TP53BP1: variants seen among roughly 807,000 people sequenced by gnomAD.
TP53BP1 encodes tumor protein p53 binding protein 1, also known as TP53-binding protein 1.
A neutral mutation model predicts 200.8 loss-of-function variants in TP53BP1; 61 were observed. The observed-to-expected ratio is 0.30, with a 90% CI of 0.25 to 0.38. The LOEUF is 0.38. TP53BP1 is among the 10% of genes least tolerant of loss of function. TP53BP1 has a pLI of 1.00. For missense variants in TP53BP1, 2,144 were observed against 2,371.9 expected (o/e 0.90, Z 2.00); for synonymous variants, 822 against 844.3 (o/e 0.97, Z 0.46).
rs2045249081 is a variant in TP53BP1, at chr15:43,415,689, G to A, written c.4994C>T (p.Ser1665Phe). 5 of 1,614,212 alleles carry A rather than the reference G, an allele frequency of 3.1e-6. No individual in the cohort carries two copies. The highest frequency in any genetic ancestry group is 1.3e-5 in the African/African-American group (1 of 75,056). ...TRKITESPRA[S>F]MGVLSGKRKL... ...TCTTTTGCCTGAGAGAACTCCCATG[G>A]AGGCACGAGGACTTTCTGTGATCTT... Residue 1665 changes from serine to phenylalanine, a missense_variant, in exon 23 of 28, where the codon TCC becomes TTC. Ser to Phe is a radical substitution (Grantham distance 155). Around this residue, in one of 4 missense-constraint regions of TP53BP1, gnomAD observed 334 missense variants for 453.4 expected, o/e 0.74. Coordinates refer to ENST00000382044, the MANE Select transcript of TP53BP1 (RefSeq NM_001141980.3).
intron 18 of TP53BP1, among the ~76,000 whole-genome samples, chr15:43,425,123 G>C (rs191005177): frequency 1.3e-5 from 2 of 152,120 alleles, no homozygotes; most frequent in Non-Finnish European, 2.9e-5. Flanking sequence ...GTAGCCCCTT[G>C]ACCTTGGACT....
upstream of TP53BP1, chr15:43,493,268 T>TAAGAAAAAG: frequency 7.1e-7 from 1 of 1,400,842 alleles, no homozygotes; most frequent in South Asian, 1.5e-5. Context: ...CTGCCCCACG[T>TAAGAAAAAG]AAGAAAAAGG....
At chr15:43,408,209 G>T in intron 26 of TP53BP1, 121 bp from the exon 27 acceptor site, 1 of 1,033,072 alleles carries the variant, frequency 9.7e-7, no homozygotes, top group Non-Finnish European at 1.4e-6. Flanking sequence ...CAGACATAGT[G>T]TCTCAAGCCT....
chr15:43,474,692 T>C lies in TP53BP1; in HGVS notation c.1161A>G (p.Thr387=). 1 of 1,612,550 alleles carries C rather than the reference T, an allele frequency of 6.2e-7. No homozygotes were observed. The highest frequency in any genetic ancestry group is 8.5e-7 in the Non-Finnish European group (1 of 1,178,552). Residue 387 remains threonine (T), a synonymous_variant, in exon 10 of 28, where the codon ACA becomes ACG. Transcript: ENST00000382044. ...GCTCACCTTGTCTCCCTTCTTGCTCTGTGGGACTGCTAGGAACGATAAAAG... is the reference window on the plus strand; with the variant it reads ...GCTCACCTTGTCTCCCTTCTTGCTCCGTGGGACTGCTAGGAACGATAAAAG... ...STPFIVPSSP[T]EQEGRQDKPM... is the part of the protein sequence containing the mutation.
chr15:43,490,673 T>C (rs1170859209), intron 4 of TP53BP1, among the ~76,000 whole-genome samples: 1 of 152,190 alleles, frequency 6.6e-6, no homozygotes, highest in Non-Finnish European at 1.5e-5. Context: ...GGCGGAAGAC[T>C]GAGAAGCACT....
chr15:43,456,643 A>C lies in TP53BP1; in HGVS notation c.1965T>G (p.Ile655Met). The C allele has an allele frequency of 6.2e-7, 1 of 1,614,160 alleles. No homozygotes were observed. The highest frequency in any genetic ancestry group is 1.7e-5 in the Admixed American group (1 of 60,014). ...SVLDQEEAME[I>M]KEHHPEEGSS... is the part of the protein sequence containing the mutation. ...ACCCCTCCTCTGGATGGTGTTCTTT[A>C]ATTTCCATAGCTTCCTCCTGATCTA... The change falls in exon 12 of 28, where the codon ATT becomes ATG. Residue 655 changes from isoleucine to methionine, a missense_variant. Ile to Met is a conservative substitution (Grantham distance 10, BLOSUM62 1). Around this residue, in one of 4 missense-constraint regions of TP53BP1, gnomAD observed 1,700 missense variants for 1,710.3 expected, o/e 0.99. Transcript: ENST00000382044.
chr15:43,406,626 T>TAGAG lies in TP53BP1; in HGVS notation c.*753_*756dup, dbSNP rs1481223418. Reference sequence around the variant, plus strand: ...AAAAAAACCTTGTTGACCCCTGCTTTAGAGAATGAGAAGCCATGCAGGGAT... The same window carrying TAGAG: ...AAAAAAACCTTGTTGACCCCTGCTTTAGAGAGAGAATGAGAAGCCATGCAGGGAT... On this transcript the variant is annotated 3_prime_UTR_variant, in exon 28 of 28. Transcript: ENST00000382044. 4.4e-6 allele frequency: 2 copies of TAGAG among 456,024 alleles called. No individual in the cohort carries two copies. Among genetic ancestry groups the TAGAG allele is most frequent in the East Asian group, 1.4e-4 (2 of 14,398 alleles). 28.2% of individuals were successfully genotyped at this position (456,024 alleles called of 1,614,324 possible).
intron 11 of TP53BP1, among the ~76,000 whole-genome samples, chr15:43,458,770 A>G (rs2046360473): frequency 6.7e-6 from 1 of 150,192 alleles, no homozygotes; most frequent in African/African-American, 2.5e-5. Context: ...GGTGACAGAG[A>G]AAGACTCTGT....
At position 43,428,083 on chromosome 15, in the gene TP53BP1, AGT is replaced by A; in HGVS notation, c.3759_3760del (p.Leu1254CysfsTer22). 6.2e-7 allele frequency: 1 copy of A among 1,613,268 alleles called. No homozygotes were observed. ...CACATCTGTAATGACACGAGTGACA[AGT>A]GTGCGTACTTCCCGGATTGTTCTCA... On this transcript the variant is annotated frameshift_variant, in exon 18 of 28. Coordinates refer to ENST00000382044, the MANE Select transcript of TP53BP1 (RefSeq NM_001141980.3). LOFTEE classifies it high-confidence loss of function.
chr15:43,412,756 G>A, intron 24 of TP53BP1: 1 of 473,218 alleles, frequency 2.1e-6, no homozygotes, highest in Middle Eastern at 3.2e-4. Context: ...TGACTTGGAT[G>A]GTTGCAGTAG....
intron 12 of TP53BP1, among the ~76,000 whole-genome samples, chr15:43,453,792 G>A (rs1330572315): frequency 1.3e-5 from 2 of 151,820 alleles, no homozygotes; most frequent in African/African-American, 4.8e-5. Flanking sequence ...TGACCCGCCC[G>A]CCTTGGCTTC....
chr15:43,446,268 G>T (rs2143005056), intron 14 of TP53BP1, 119 bp downstream of exon 14: 9 of 799,512 alleles, frequency 1.1e-5, no homozygotes, highest in South Asian at 7.6e-5. Context: ...ATCTATGAGT[G>T]TAAGACTTTA....
At position 43,426,424 on chromosome 15, in the gene TP53BP1, A is replaced by G. The variant is rs565012367; in HGVS notation, c.3828+1592T>C. Among the ~76,000 whole-genome samples, 86 of 133,930 alleles carry G rather than the reference A, an allele frequency of 6.4e-4. 1 individual carries two copies. The highest frequency in any genetic ancestry group is 1.3e-3 in the Admixed American group (16 of 12,664). 87.9% of individuals were successfully genotyped at this position (133,930 alleles called of 152,430 possible). A position where few individuals can be genotyped will look rare whatever the true frequency, so the allele number is the denominator to read the frequency against. ...CACTGCACTCCAACCTGGGCAACAG[A>G]GTGAGACTCTGTGTCAAAAAAAAAA... is the stretch of plus-strand genomic sequence containing the variant. On this transcript the variant is annotated intron_variant, in intron 18 of 27. Transcript: ENST00000382044.
chr15:43,489,982 G>A (rs573330882), intron 4 of TP53BP1, among the ~76,000 whole-genome samples: 1 of 152,140 alleles, frequency 6.6e-6, no homozygotes, highest in Non-Finnish European at 1.5e-5. Flanking sequence ...GCACAATCAC[G>A]GCTGACTGCA....
intron 15 of TP53BP1, among the ~76,000 whole-genome samples, chr15:43,439,061 G>A (rs781082865): frequency 1.3e-5 from 2 of 152,112 alleles, no homozygotes; most frequent in South Asian, 2.1e-4. Flanking sequence ...GGGGGGTGCT[G>A]GAAATATAAA....
In TP53BP1 at chr15:43,492,367, G is replaced by A; in HGVS notation, c.109C>T (p.Leu37=). The A allele has an allele frequency of 6.2e-7, 1 of 1,614,116 alleles. No homozygotes were observed. Among genetic ancestry groups the A allele is most frequent in the Non-Finnish European group, 8.5e-7 (1 of 1,179,980 alleles). The stretch of plus-strand genomic sequence containing the variant: ...AAGTGAGAACCAGAATCATCCTCTA[G>A]AACCTGGCTTTCAGGCTGAGAATCT... ...IEDSQPESQV[L]EDDSGSHFSM... Residue 37 remains leucine, a synonymous_variant, in exon 2 of 28, where the codon CTA becomes TTA. Coordinates refer to ENST00000382044, the MANE Select transcript of TP53BP1 (RefSeq NM_001141980.3).
rs183237030 is a variant in TP53BP1, at chr15:43,426,779, G to A, written c.3828+1237C>T. Among the ~76,000 whole-genome samples, 90 of 151,354 alleles carry A rather than the reference G, an allele frequency of 5.9e-4. 1 individual carries two copies. The highest frequency in any genetic ancestry group is 6.6e-4 in the Non-Finnish European group (45 of 67,806). On this transcript the variant is annotated intron_variant, in intron 18 of 27. Coordinates refer to ENST00000382044, the MANE Select transcript of TP53BP1 (RefSeq NM_001141980.3). ...TCCAATCCCAGCACTTTGGGAGGCC[G>A]AGGCCTGAGCACAAGGTCAGGAGTT... is the stretch of plus-strand genomic sequence containing the variant.
intron 12 of TP53BP1, among the ~76,000 whole-genome samples, chr15:43,455,423 A>T (rs559312456): frequency 1.3e-5 from 2 of 152,232 alleles, no homozygotes; most frequent in Admixed American, 6.5e-5. Context: ...TATAGCTATT[A>T]AAAAAATACA....
intron 10 of TP53BP1, 72 bp from the exon 11 acceptor site, chr15:43,470,138 G>T: frequency 8.0e-7 from 1 of 1,246,900 alleles, no homozygotes; most frequent in African/African-American, 1.5e-5. Flanking sequence ...AAACCACTAA[G>T]AACAATTACA....
Sources: allele counts gnomAD v4.1 joint callset (sites outside exome capture counted in the v4.1 genomes callset), GRCh38; gene constraint gnomAD v4.1.1; regional missense constraint gnomAD v4.1.1; transcripts MANE v1.5; gene names NCBI Gene and HGNC (gene_info 2026-07-23, HGNC 2026-07-21).